BRI3: variants seen among roughly 807,000 people sequenced by gnomAD.
The protein encoded by BRI3 is membrane protein BRI3.
Under a neutral mutation model 12.8 loss-of-function variants are expected in BRI3, and 6 were observed. The ratio of observed to expected loss-of-function variants is 0.47; its 90% CI spans 0.26 to 0.93. The LOEUF (loss-of-function observed/expected upper bound fraction) is 0.93, where lower values mean the gene tolerates loss of function less well. Ranked by LOEUF, BRI3 falls within the 40% of genes least tolerant of loss-of-function variation. The pLI is 0.15. For missense variants in BRI3, 134 were observed against 171.1 expected, an observed-to-expected ratio of 0.78 and a Z score of 1.21; for synonymous variants, 91 against 76.1, an observed-to-expected ratio of 1.20 and a Z score of -1.02.
At position 98,281,751 on chromosome 7, in the gene BRI3, GACCGA is replaced by G. The variant is rs1231631941; in HGVS notation, c.-44_-40del. On this transcript the variant is annotated 5_prime_UTR_variant, in exon 1 of 3. Coordinates refer to ENST00000297290, the MANE Select transcript of BRI3 (RefSeq NM_015379.5). ...CGCCGCCGCGTCCCCCGCCGGGGCC[GACCGA>G]GCCGAGCCGGGCCGGAGCGGCGGGC... 2 of 982,686 alleles carry G rather than the reference GACCGA, an allele frequency of 2.0e-6. No individual in the cohort carries two copies. Among genetic ancestry groups the G allele is most frequent in the Non-Finnish European group, 1.2e-6 (1 of 823,990 alleles). The allele number at this position is 982,686 out of a possible 1,614,324, so 60.9% of individuals were successfully genotyped here. A position where few individuals can be genotyped will look rare whatever the true frequency, so the allele number is the denominator to read the frequency against.
chr7:98,305,950 T>G (rs1336609451), upstream of BRI3, among the ~76,000 whole-genome samples: 1 of 152,080 alleles, frequency 6.6e-6, no homozygotes, highest in Non-Finnish European at 1.5e-5. Context: ...GCAGGAAGGA[T>G]GGACCCAGGG....
At position 98,284,622 on chromosome 7, in the gene BRI3, C is replaced by T. The variant is rs377715239; in HGVS notation, c.245+2169C>T. ...GTCCAGCCCGCCGGGCTCTGTCCCC[C>T]TCCCTGCCTGGTGGCATGGCAGGAA... On this transcript the variant is annotated intron_variant, in intron 2 of 2. Transcript: ENST00000297290. Among the ~76,000 whole-genome samples, 4 of 152,374 alleles carry T rather than the reference C, an allele frequency of 2.6e-5. No individual in the cohort carries two copies. The South Asian group carries it at 8.3e-4, about 32-fold the overall frequency.
At chr7:98,291,605 T>C, downstream of BRI3, 6 of 900,896 alleles carry the variant, frequency 6.7e-6, no homozygotes, top group Non-Finnish European at 8.3e-6. Flanking sequence ...CCCCGGCCAG[T>C]CCTGACCACA....
At chr7:98,319,368 G>A in the BRI3 span, among the ~76,000 whole-genome samples, 1 of 152,176 alleles carries the variant, frequency 6.6e-6, no homozygotes, top group Admixed American at 6.5e-5. Flanking sequence ...GGCACACCGG[G>A]AGCCCCGGAC....
chr7:98,317,261 T>C, the BRI3 span: 3 of 1,614,138 alleles, frequency 1.9e-6, no homozygotes, highest in Admixed American at 5.0e-5. Context: ...TTCGGCTTCC[T>C]TGGCTTTTCC....
chr7:98,282,587 A>T (rs979100644), intron 2 of BRI3, 134 bp downstream of exon 2: 3 of 699,250 alleles, frequency 4.3e-6, no homozygotes, highest in East Asian at 5.5e-5. Context: ...CCTTTATGGG[A>T]GGGACAGACA....
chr7:98,315,572 TTC>T, the BRI3 span: 1 of 1,485,884 alleles, frequency 6.7e-7, no homozygotes. Flanking sequence ...TGCAATGAAT[TTC>T]TGGATTTCAC....
At chr7:98,312,190 T>C (rs1351951784), downstream of BRI3, 1 of 1,614,130 alleles carries the variant, frequency 6.2e-7, no homozygotes, top group South Asian at 1.1e-5. Context: ...TATTCATGAT[T>C]TTCTCTGGCA....
At chr7:98,282,148 C>T (rs997108830) in intron 1 of BRI3, among the ~76,000 whole-genome samples, 1 of 152,188 alleles carries the variant, frequency 6.6e-6, no homozygotes, top group South Asian at 2.1e-4. Context: ...GGGGCCGGAT[C>T]CCTGCCCCAG....
At chr7:98,306,588 G>C in exon 1 of BRI3, 1 of 1,610,014 alleles carries the variant, frequency 6.2e-7, no homozygotes, top group Non-Finnish European at 8.5e-7. Flanking sequence ...GAACAACCTG[G>C]TGAGAGCTCA....
intron 2 of BRI3, 179 bp downstream of exon 2, chr7:98,282,632 C>T: frequency 5.0e-6 from 3 of 598,908 alleles, no homozygotes; most frequent in Non-Finnish European, 6.0e-6. Context: ...AGTGCGGGTC[C>T]GCTCACCCTT....
the BRI3 span, among the ~76,000 whole-genome samples, chr7:98,322,665 C>T: frequency 6.6e-6 from 1 of 152,168 alleles, no homozygotes; most frequent in Non-Finnish European, 1.5e-5. Flanking sequence ...CTCCCATCCA[C>T]CCCCAGCACT....
At chr7:98,302,337 C>G (rs1800464477), upstream of BRI3, among the ~76,000 whole-genome samples, 1 of 152,220 alleles carries the variant, frequency 6.6e-6, no homozygotes, top group Admixed American at 6.5e-5. Flanking sequence ...CTCTCACTTA[C>G]AATGCCAGAG....
chr7:98,315,372 A>G, downstream of BRI3: 1 of 1,235,476 alleles, frequency 8.1e-7, no homozygotes, highest in African/African-American at 1.5e-5. Context: ...CTGGGATTAC[A>G]GGCGTGGGCC....
chr7:98,290,959 G>C, intron 2 of BRI3, 152 bp from the exon 3 acceptor site: 1 of 801,588 alleles, frequency 1.2e-6, no homozygotes, highest in Non-Finnish European at 2.0e-6. Context: ...GTAGCTGGGT[G>C]GTGGGGTGGG....
chr7:98,293,384 G>T, downstream of BRI3: 1 of 770,976 alleles, frequency 1.3e-6, no homozygotes, highest in South Asian at 1.7e-5. Context: ...AGAGAAGCAT[G>T]ATTTGCTTAA....
At chr7:98,293,871 ACT>A (rs1800071761), downstream of BRI3, among the ~76,000 whole-genome samples, 10 of 152,312 alleles carry the variant, frequency 6.6e-5, no homozygotes, top group South Asian at 2.1e-3. Context: ...CATGGGGGTC[ACT>A]CTGGGGTGGG....
chr7:98,298,023 G>A (rs1468963472), intron 1 of BRI3, among the ~76,000 whole-genome samples: 1 of 152,094 alleles, frequency 6.6e-6, no homozygotes, highest in Non-Finnish European at 1.5e-5. Context: ...CTGAGGTCAG[G>A]AGTTCAAGAC....
rs1324060636 is a variant in BRI3, at chr7:98,281,750, C to T, written c.-46C>T. ...CCGCCGCCGCGTCCCCCGCCGGGGCCGACCGAGCCGAGCCGGGCCGGAGCG... is the reference window on the plus strand; with the variant it reads ...CCGCCGCCGCGTCCCCCGCCGGGGCTGACCGAGCCGAGCCGGGCCGGAGCG... On this transcript the variant is annotated 5_prime_UTR_variant, in exon 1 of 3. Coordinates refer to ENST00000297290, the MANE Select transcript of BRI3 (RefSeq NM_015379.5). 3.1e-6 allele frequency: 3 copies of T among 979,672 alleles called. No homozygotes were observed. The highest frequency in any genetic ancestry group is 6.0e-5 in the Admixed American group (1 of 16,590). The allele number at this position is 979,672 out of a possible 1,614,324, so 60.7% of individuals were successfully genotyped here.
Sources: gnomAD v4.1 joint callset for allele counts (sites outside exome capture counted in the v4.1 genomes callset) on GRCh38, gnomAD v4.1.1 for gene constraint, MANE v1.5 for transcripts, NCBI Gene and HGNC (gene_info 2026-07-23, HGNC 2026-07-21) for gene names.